Variants in SLC5A8 observed in about 807,000 individuals in gnomAD.
The protein encoded by SLC5A8 is sodium-coupled monocarboxylate transporter 1.
SLC5A8 carries 55 observed loss-of-function variants against 71.9 expected under a neutral mutation model. The ratio of observed to expected loss-of-function variants is 0.77; its 90% CI spans 0.62 to 0.96. The LOEUF (loss-of-function observed/expected upper bound fraction) is 0.96. Among genes scored for constraint, SLC5A8 ranks in the 40% least tolerant of loss-of-function variants. The probability of loss-of-function intolerance (pLI) is 0.00; values close to 1 mark genes in which losing one functional copy is unlikely to be tolerated. For missense variants in SLC5A8, 701 were observed against 745.3 expected, an observed-to-expected ratio of 0.94 and a Z score of 0.69; for synonymous variants, 307 against 276.1, an observed-to-expected ratio of 1.11 and a Z score of -1.11.
chr12:101,168,466 T>C (rs995485375), intron 10 of SLC5A8, among the ~76,000 whole-genome samples: 58 of 152,326 alleles, frequency 3.8e-4, no homozygotes, highest in African/African-American at 1.3e-3. Context: ...TGTGAATGTA[T>C]AAATCATGAA....
chr12:101,187,536 C>G lies in SLC5A8; in HGVS notation c.834-21G>C, dbSNP rs767009658. On this transcript the variant is annotated intron_variant, in intron 6 of 14. Transcript: ENST00000536262. ...GAGACCTAAAGAAGTGAAAACAAAC[C>G]AGCAAAAGACAACTGTAATTTCTGT... is the stretch of plus-strand genomic sequence containing the variant. 201 of 1,581,430 alleles carry G rather than the reference C, an allele frequency of 1.3e-4. 1 individual carries two copies. The highest frequency in any genetic ancestry group is 1.0e-3 in the Middle Eastern group (6 of 6,002).
Position 101,209,764 on chromosome 12 carries a change from CG to C in SLC5A8, c.84del (p.Ile28MetfsTer19), listed in dbSNP as rs1566329000. 1.9e-5 allele frequency: 31 copies of C among 1,611,054 alleles called. No individual in the cohort carries two copies. Among genetic ancestry groups the C allele is most frequent in the Non-Finnish European group, 2.6e-5 (31 of 1,178,882 alleles). ...CCCCCAGCGAAGGCGTAGTAGATGCCGATGGCGGCCGAGATGACCAGCATGC... is the reference window on the plus strand; with the variant it reads ...CCCCCAGCGAAGGCGTAGTAGATGCCATGGCGGCCGAGATGACCAGCATGC... Reference protein sequence around the residue: ...FAGMLVISAAIGIYYAFAGGG... With the variant: ...FAGMLVISAAXGIYYAFAGGG... On this transcript the variant is annotated frameshift_variant, in exon 1 of 15. Coordinates refer to ENST00000536262, the MANE Select transcript of SLC5A8 (RefSeq NM_145913.5). LOFTEE classifies it high-confidence loss of function.
Position 101,177,774 on chromosome 12 carries a change from AAATAGGAATAGAG to A in SLC5A8, c.1233+2242_1233+2254del, listed in dbSNP as rs1344618145. On this transcript the variant is annotated intron_variant, in intron 10 of 14. Coordinates refer to ENST00000536262, the MANE Select transcript of SLC5A8 (RefSeq NM_145913.5). ...ATTTATGGTGAAAACTCTCAGAAAA[AAATAGGAATAGAG>A]AATAGGAATAGAGAGTTTCCTGTTC... 2.0e-5 allele frequency among the ~76,000 whole-genome samples: 3 copies of A among 152,236 alleles called. No individual in the cohort carries two copies. The East Asian group carries it at 5.8e-4, about 29-fold the overall frequency.
chr12:101,171,162 C>T (rs2051826291), intron 10 of SLC5A8, among the ~76,000 whole-genome samples: 1 of 152,000 alleles, frequency 6.6e-6, no homozygotes, highest in Non-Finnish European at 1.5e-5. Context: ...AGGTCAGTTA[C>T]CAGGTGTTTT....
intron 4 of SLC5A8, among the ~76,000 whole-genome samples, chr12:101,194,229 T>C (rs772887574): frequency 1.3e-5 from 2 of 152,220 alleles, no homozygotes; most frequent in Non-Finnish European, 2.9e-5. Flanking sequence ...ATAAGTGATC[T>C]GTACTAGCCA....
intron 10 of SLC5A8, among the ~76,000 whole-genome samples, chr12:101,174,579 A>G (rs2051861600): frequency 6.6e-6 from 1 of 152,190 alleles, no homozygotes. Flanking sequence ...AAGGTTTATG[A>G]AAGCTGCATC....
At chr12:101,207,878 C>T (rs1357275776) in intron 1 of SLC5A8, among the ~76,000 whole-genome samples, 1 of 151,974 alleles carries the variant, frequency 6.6e-6, no homozygotes, top group Non-Finnish European at 1.5e-5. Context: ...TTGATAAAGA[C>T]ATAAATGCAG....
At chr12:101,197,530 A>T (rs1415920540) in intron 3 of SLC5A8, among the ~76,000 whole-genome samples, 1 of 152,188 alleles carries the variant, frequency 6.6e-6, no homozygotes, top group Non-Finnish European at 1.5e-5. Flanking sequence ...GTGAACATTA[A>T]ATGACCCCAT....
chr12:101,167,041 G>A (rs992660327), intron 11 of SLC5A8, among the ~76,000 whole-genome samples: 4 of 151,528 alleles, frequency 2.6e-5, no homozygotes, highest in East Asian at 3.9e-4. Flanking sequence ...TTATTCTTCC[G>A]TTACCGCCCC....
intron 10 of SLC5A8, among the ~76,000 whole-genome samples, chr12:101,173,667 G>A (rs566534927): frequency 3.3e-5 from 5 of 152,360 alleles, no homozygotes; most frequent in East Asian, 3.9e-4. Flanking sequence ...GAACAGCTGC[G>A]ACATGCCCTT....
intron 1 of SLC5A8, among the ~76,000 whole-genome samples, chr12:101,205,733 C>T (rs923834290): frequency 1.3e-5 from 2 of 152,146 alleles, no homozygotes; most frequent in Non-Finnish European, 2.9e-5. Context: ...GAACACTGGG[C>T]CTCAGATAGA....
At chr12:101,194,779 T>C (rs937397215) in intron 4 of SLC5A8, among the ~76,000 whole-genome samples, 2 of 152,178 alleles carry the variant, frequency 1.3e-5, no homozygotes, top group African/African-American at 4.8e-5. Flanking sequence ...GCCTATGACC[T>C]ATGATAGGTT....
At chr12:101,186,107 G>C (rs1277726517) in intron 7 of SLC5A8, among the ~76,000 whole-genome samples, 1 of 149,546 alleles carries the variant, frequency 6.7e-6, no homozygotes, top group Non-Finnish European at 1.5e-5. Flanking sequence ...TTTGGCCCAG[G>C]GTAAAGGCAA....
chr12:101,180,112 A>G lies in SLC5A8; in HGVS notation c.1166-16T>C. The G allele has an allele frequency of 6.2e-7, 1 of 1,613,872 alleles. No individual in the cohort carries two copies. The highest frequency in any genetic ancestry group is 1.6e-4 in the Middle Eastern group (1 of 6,062). Reference sequence around the variant, plus strand: ...TACACCACACCTAAATGGACAACATAAAAGCCAGTGTAAAATCCACACCCA... The same window carrying G: ...TACACCACACCTAAATGGACAACATGAAAGCCAGTGTAAAATCCACACCCA... On this transcript the variant is annotated splice_polypyrimidine_tract_variant and intron_variant, in intron 9 of 14. Transcript: ENST00000536262.
intron 6 of SLC5A8, among the ~76,000 whole-genome samples, chr12:101,189,773 A>G (rs1868817234): frequency 6.6e-6 from 1 of 152,168 alleles, no homozygotes; most frequent in Non-Finnish European, 1.5e-5. Flanking sequence ...CTTCATATTC[A>G]TTCTGCCAGT....
At position 101,194,886 on chromosome 12, in the gene SLC5A8, T is replaced by A. The variant is rs540122706; in HGVS notation, c.537+209A>T. 2.6e-5 allele frequency among the ~76,000 whole-genome samples: 4 copies of A among 152,288 alleles called. No individual in the cohort carries two copies. The East Asian group carries it at 7.7e-4, about 29-fold the overall frequency. On this transcript the variant is annotated intron_variant, in intron 4 of 14. Transcript: ENST00000536262. ...TTAGGAACCATTGCAATGGATCAGA[T>A]AAAAGAAAAAATTTCAGTTATGCTC...
chr12:101,176,717 C>T (rs187508774), intron 10 of SLC5A8, among the ~76,000 whole-genome samples: 10 of 151,914 alleles, frequency 6.6e-5, no homozygotes, highest in East Asian at 1.9e-4. Flanking sequence ...TCAAAGAAAA[C>T]ATAAAAATAC....
intron 10 of SLC5A8, among the ~76,000 whole-genome samples, chr12:101,169,805 T>C (rs961475549): frequency 6.6e-6 from 1 of 152,220 alleles, no homozygotes; most frequent in African/African-American, 2.4e-5. Context: ...AGGAACCAGA[T>C]ATTTGATACA....
rs2137127410 is a variant in SLC5A8, at chr12:101,168,081, A to G, written c.1320+15T>C. ...CAAAAAGTAATCCTCAAGCATATTC[A>G]TTCTTTGTACTTACAATTGAGTTGG... is the stretch of plus-strand genomic sequence containing the variant. On this transcript the variant is annotated intron_variant, in intron 11 of 14. Coordinates refer to ENST00000536262, the MANE Select transcript of SLC5A8 (RefSeq NM_145913.5). 6.3e-7 allele frequency: 1 copy of G among 1,597,588 alleles called. No homozygotes were observed. Among genetic ancestry groups the G allele is most frequent in the Non-Finnish European group, 8.5e-7 (1 of 1,170,508 alleles).
Sources: allele counts gnomAD v4.1 joint callset (sites outside exome capture counted in the v4.1 genomes callset), GRCh38; gene constraint gnomAD v4.1.1; transcripts MANE v1.5; gene names NCBI Gene and HGNC (gene_info 2026-07-23, HGNC 2026-07-21).